Variants in BMP5 observed in about 807,000 individuals in gnomAD.
BMP5 encodes bone morphogenetic protein 5.
In BMP5, 23 loss-of-function variants were observed where a neutral mutation model predicts 46.6. That is an observed-to-expected ratio of 0.49 (90% CI 0.35 to 0.70). The LOEUF is 0.70. Among genes scored for constraint, BMP5 ranks in the 30% least tolerant of loss-of-function variants. The pLI, the probability that BMP5 is intolerant of heterozygous loss-of-function variation, is 0.00. For synonymous variants in BMP5, 204 were observed against 191.9 expected (o/e 1.06, Z -0.52); for missense variants, 545 against 565.6 (o/e 0.96, Z 0.37).
At chr6:55,860,279 A>T (rs1006657216) in intron 1 of BMP5, among the ~76,000 whole-genome samples, 7 of 152,210 alleles carry the variant, frequency 4.6e-5, no homozygotes, top group South Asian at 4.1e-4. Flanking sequence ...GTCTCAAAAA[A>T]TTTTTTTAAA....
chr6:55,826,483 T>C (rs1776536257), intron 1 of BMP5, among the ~76,000 whole-genome samples: 1 of 151,680 alleles, frequency 6.6e-6, no homozygotes, highest in African/African-American at 2.4e-5. Context: ...TGATTGAATA[T>C]TAGTTTACTT....
intron 1 of BMP5, chr6:55,865,299 T>G (rs1405625043): frequency 2.5e-6 from 1 of 402,298 alleles, no homozygotes; most frequent in Non-Finnish European, 4.9e-6. Context: ...TAATTGTATA[T>G]TACTACCTTG....
chr6:55,758,576 C>A (rs936169306), intron 6 of BMP5, among the ~76,000 whole-genome samples: 13 of 151,874 alleles, frequency 8.6e-5, no homozygotes, highest in Non-Finnish European at 2.9e-5. Context: ...CATTGAAGAA[C>A]TTTTATAATA....
At chr6:55,767,310 T>A (rs1340294216) in intron 4 of BMP5, among the ~76,000 whole-genome samples, 1 of 151,994 alleles carries the variant, frequency 6.6e-6, no homozygotes, top group Non-Finnish European at 1.5e-5. Context: ...TTGAACTCCT[T>A]TTGTACCAGT....
intron 4 of BMP5, among the ~76,000 whole-genome samples, chr6:55,762,810 C>CT (rs899206733): frequency 2.0e-5 from 3 of 151,858 alleles, no homozygotes; most frequent in Non-Finnish European, 2.9e-5. Flanking sequence ...CTTCTTTAAA[C>CT]TTTTTTTTAA....
At chr6:55,861,658 G>GT (rs1183062187) in intron 1 of BMP5, among the ~76,000 whole-genome samples, 7 of 152,122 alleles carry the variant, frequency 4.6e-5, no homozygotes, top group Admixed American at 2.0e-4. Flanking sequence ...TCAAAAGCCC[G>GT]TAACAGTTGA....
intron 3 of BMP5, among the ~76,000 whole-genome samples, chr6:55,792,405 G>A (rs1366046551): frequency 1.3e-5 from 2 of 152,106 alleles, no homozygotes; most frequent in Admixed American, 6.5e-5. Flanking sequence ...ATGGTGGCAG[G>A]CGCCTGTAGT....
chr6:55,814,059 G>GCTC (rs1776199126), intron 2 of BMP5, among the ~76,000 whole-genome samples: 1 of 151,846 alleles, frequency 6.6e-6, no homozygotes, highest in Non-Finnish European at 1.5e-5. Flanking sequence ...TAAAACTTGT[G>GCTC]TTTTCAGCTA....
At chr6:55,803,014 C>T (rs185510056) in intron 2 of BMP5, among the ~76,000 whole-genome samples, 11 of 151,926 alleles carry the variant, frequency 7.2e-5, no homozygotes, top group East Asian at 5.8e-4. Context: ...GTGCCGGGTG[C>T]GGTGGCTCAT....
At chr6:55,872,063 T>C (rs1234576579) in intron 1 of BMP5, among the ~76,000 whole-genome samples, 1 of 151,872 alleles carries the variant, frequency 6.6e-6, no homozygotes, top group Non-Finnish European at 1.5e-5. Flanking sequence ...TATTACACTT[T>C]CACCTTTTCT....
At chr6:55,788,096 A>T (rs1775491352) in intron 3 of BMP5, among the ~76,000 whole-genome samples, 1 of 151,638 alleles carries the variant, frequency 6.6e-6, no homozygotes, top group African/African-American at 2.4e-5. Flanking sequence ...TCTACTGTTT[A>T]ACGCTTACTA....
Position 55,875,060 on chromosome 6 carries a change from C to G in BMP5, c.-195G>C. On this transcript the variant is annotated 5_prime_UTR_variant, in exon 1 of 7. Coordinates refer to ENST00000370830, the MANE Select transcript of BMP5 (RefSeq NM_021073.4). ...CTATTTTAAATATTTTGGAATATGT[C>G]AAGAGTAGTTATTTCTAAGAAAGCT... 3.3e-6 allele frequency: 2 copies of G among 601,106 alleles called. No homozygotes were observed. Among genetic ancestry groups the G allele is most frequent in the African/African-American group, 3.7e-5 (2 of 53,710 alleles). 37.2% of individuals were successfully genotyped at this position (601,106 alleles called of 1,614,324 possible). A position where few individuals can be genotyped will look rare whatever the true frequency, so the allele number is the denominator to read the frequency against.
At chr6:55,770,673 T>C (rs1236545822) in intron 4 of BMP5, among the ~76,000 whole-genome samples, 1 of 152,000 alleles carries the variant, frequency 6.6e-6, no homozygotes, top group Non-Finnish European at 1.5e-5. Context: ...ACTTTCAACA[T>C]ACCTTCCTCA....
chr6:55,802,803 TC>T (rs1421315275), intron 2 of BMP5, among the ~76,000 whole-genome samples: 3 of 151,214 alleles, frequency 2.0e-5, no homozygotes, highest in Non-Finnish European at 2.9e-5. Flanking sequence ...ATTAAATAAT[TC>T]TTTTTTTCCC....
chr6:55,794,285 C>T lies in BMP5; in HGVS notation c.826G>A (p.Gly276Arg). Reference protein sequence around the residue: ...NLGLQLCAETGDGRSINVKSA... With the variant: ...NLGLQLCAETRDGRSINVKSA... Reference sequence around the variant, plus strand: ...TATAAAATTCAGTGCTTACCATCCCCTGTTTCTGCACAGAGCTGTAAGCCC... The same window carrying T: ...TATAAAATTCAGTGCTTACCATCCCTTGTTTCTGCACAGAGCTGTAAGCCC... Residue 276 changes from glycine (G) to arginine (R), a missense_variant, in exon 3 of 7, where the codon GGG becomes AGG. By Grantham distance (125) the Gly-to-Arg change is moderately radical. Coordinates refer to ENST00000370830, the MANE Select transcript of BMP5 (RefSeq NM_021073.4). The T allele has an allele frequency of 6.2e-7, 1 of 1,613,940 alleles. No individual in the cohort carries two copies. Among genetic ancestry groups the T allele is most frequent in the Non-Finnish European group, 8.5e-7 (1 of 1,179,874 alleles).
intron 3 of BMP5, among the ~76,000 whole-genome samples, chr6:55,777,039 T>C (rs1478253687): frequency 6.6e-6 from 1 of 151,956 alleles, no homozygotes; most frequent in Admixed American, 6.6e-5. Context: ...TTATTAAGTT[T>C]CCTCTTGGTT....
intron 1 of BMP5, among the ~76,000 whole-genome samples, chr6:55,851,829 C>T (rs1226991983): frequency 6.6e-6 from 1 of 152,072 alleles, no homozygotes; most frequent in Non-Finnish European, 1.5e-5. Context: ...TAGTAAATCA[C>T]AGAAAAGATT....
chr6:55,776,276 G>A (rs969280895), intron 3 of BMP5, among the ~76,000 whole-genome samples: 7 of 151,878 alleles, frequency 4.6e-5, no homozygotes, highest in African/African-American at 1.7e-4. Context: ...ATTCAGCTCA[G>A]ACTTCCTCCT....
At chr6:55,816,222 G>T (rs1318309172) in intron 2 of BMP5, among the ~76,000 whole-genome samples, 1 of 152,006 alleles carries the variant, frequency 6.6e-6, no homozygotes, top group Middle Eastern at 3.2e-3. Context: ...CCAATTTTGA[G>T]TAATAATGAT....
Sources: gnomAD v4.1 joint callset for allele counts (sites outside exome capture counted in the v4.1 genomes callset) on GRCh38, gnomAD v4.1.1 for gene constraint, MANE v1.5 for transcripts, NCBI Gene and HGNC (gene_info 2026-07-23, HGNC 2026-07-21) for gene names.